Variants in ARB2A observed in about 807,000 individuals in gnomAD.
The protein encoded by ARB2A is cotranscriptional regulator ARB2A.
At chr5:93,741,911 A>AC in the ARB2A span, among the ~76,000 whole-genome samples, 152,222 of 152,226 alleles carry the variant, frequency 1, 76,109 homozygotes, top group Middle Eastern at 1. Context: ...GAAACTCTGG[A>AC]CCCTGATCCC....
At chr5:93,813,978 T>A in the ARB2A span, among the ~76,000 whole-genome samples, 1 of 152,228 alleles carries the variant, frequency 6.6e-6, no homozygotes, top group Non-Finnish European at 1.5e-5. Flanking sequence ...CTCAGTTGAA[T>A]TCCTAATCAA....
the ARB2A span, among the ~76,000 whole-genome samples, chr5:93,668,172 C>A: frequency 6.6e-6 from 1 of 152,314 alleles, no homozygotes; most frequent in African/African-American, 2.4e-5. Flanking sequence ...GGCCTGATCT[C>A]GGCTCACTGC....
the ARB2A span, among the ~76,000 whole-genome samples, chr5:93,823,221 T>C: frequency 6.6e-6 from 1 of 152,208 alleles, no homozygotes; most frequent in Non-Finnish European, 1.5e-5. Flanking sequence ...AATCCATTAT[T>C]AGAATTGATT....
chr5:93,922,513 A>AT, the ARB2A span, among the ~76,000 whole-genome samples: 2 of 144,524 alleles, frequency 1.4e-5, no homozygotes, highest in South Asian at 2.3e-4. Context: ...TACTAAAAAT[A>AT]TTTTTTTAAA....
the ARB2A span, chr5:93,741,725 A>C: frequency 1.3e-6 from 1 of 781,780 alleles, no homozygotes; most frequent in Non-Finnish European, 2.0e-6. Context: ...ATCCATAGGA[A>C]CTCCTGGGTC....
chr5:94,002,108 G>C, the ARB2A span, among the ~76,000 whole-genome samples: 3 of 152,012 alleles, frequency 2.0e-5, no homozygotes, highest in Admixed American at 2.0e-4. Context: ...CTAGATAAAA[G>C]GATAGAGTTG....
the ARB2A span, among the ~76,000 whole-genome samples, chr5:93,623,273 T>C: frequency 2.1e-5 from 3 of 142,134 alleles, no homozygotes; most frequent in Non-Finnish European, 4.6e-5. Context: ...AAAAAAAAGG[T>C]GTTAATTGTC....
At chr5:93,745,229 G>A in the ARB2A span, among the ~76,000 whole-genome samples, 2 of 152,060 alleles carry the variant, frequency 1.3e-5, no homozygotes, top group Admixed American at 6.5e-5. Context: ...AAATTTCATC[G>A]TTTTGAGAAG....
At chr5:93,816,260 C>G in the ARB2A span, among the ~76,000 whole-genome samples, 38 of 152,232 alleles carry the variant, frequency 2.5e-4, 1 homozygote, top group African/African-American at 8.9e-4. Context: ...TACAAGAACA[C>G]TAAAAACAGC....
the ARB2A span, among the ~76,000 whole-genome samples, chr5:93,780,540 C>T: frequency 6.6e-6 from 1 of 151,822 alleles, no homozygotes; most frequent in East Asian, 1.9e-4. Context: ...CCCATCTCCT[C>T]CCCTCCCCTC....
chr5:93,767,432 T>C, the ARB2A span, among the ~76,000 whole-genome samples: 1 of 152,106 alleles, frequency 6.6e-6, no homozygotes, highest in South Asian at 2.1e-4. Context: ...ACACTGCTGG[T>C]GGGAATGTAC....
At chr5:93,791,176 T>G in the ARB2A span, among the ~76,000 whole-genome samples, 1 of 152,210 alleles carries the variant, frequency 6.6e-6, no homozygotes, top group Non-Finnish European at 1.5e-5. Context: ...GATTAAATAT[T>G]GTAAAGGAAA....
chr5:93,852,689 C>G, the ARB2A span, among the ~76,000 whole-genome samples: 2 of 152,136 alleles, frequency 1.3e-5, no homozygotes, highest in East Asian at 3.9e-4. Context: ...CCAGTTTTCC[C>G]AGCACCATTT....
the ARB2A span, chr5:93,964,629 T>G: frequency 4.4e-6 from 3 of 686,052 alleles, no homozygotes; most frequent in Non-Finnish European, 7.4e-6. Context: ...TAAATATCTC[T>G]TCATCTTGGA....
At chr5:94,012,444 C>G in the ARB2A span, among the ~76,000 whole-genome samples, 1 of 152,106 alleles carries the variant, frequency 6.6e-6, no homozygotes, top group African/African-American at 2.4e-5. Context: ...ATAAAATTAG[C>G]GATTGTGACA....
At chr5:94,068,330 C>G in the ARB2A span, among the ~76,000 whole-genome samples, 34 of 152,228 alleles carry the variant, frequency 2.2e-4, no homozygotes, top group Non-Finnish European at 4.4e-4. Context: ...CTTGCTGGAT[C>G]AGGAGCACAA....
chr5:93,626,347 A>C, the ARB2A span, among the ~76,000 whole-genome samples: 1 of 152,228 alleles, frequency 6.6e-6, no homozygotes, highest in Non-Finnish European at 1.5e-5. Flanking sequence ...AACAGTAAAA[A>C]GACTGAAGAA....
At chr5:93,861,760 C>T in the ARB2A span, 32 of 152,264 alleles carry the variant, frequency 2.1e-4, no homozygotes, top group East Asian at 1.7e-3. Flanking sequence ...TAAGCATCAA[C>T]GCTATATTTA....
the ARB2A span, among the ~76,000 whole-genome samples, chr5:93,741,969 A>C: frequency 1.3e-5 from 2 of 152,082 alleles, no homozygotes; most frequent in Non-Finnish European, 2.9e-5. Flanking sequence ...TTAAATATCT[A>C]TATGCCAGAT....
Sources: allele counts gnomAD v4.1 joint callset (sites outside exome capture counted in the v4.1 genomes callset), GRCh38; gene constraint gnomAD v4.1.1; transcripts MANE v1.5; gene names NCBI Gene and HGNC (gene_info 2026-07-23, HGNC 2026-07-21).